EFCAB11: variants seen among roughly 807,000 people sequenced by gnomAD.
EFCAB11 encodes the protein EF-hand calcium binding domain 11.
EFCAB11 carries 14 observed loss-of-function variants against 23.0 expected under a neutral mutation model. The ratio of observed to expected loss-of-function variants is 0.61; its 90% CI spans 0.40 to 0.95. The LOEUF is 0.95. EFCAB11 is among the 40% of genes least tolerant of loss of function. The pLI is 0.00. For synonymous variants in EFCAB11, 65 were observed against 66.6 expected (o/e 0.98, Z 0.11); for missense variants, 198 against 195.8 (o/e 1.01, Z -0.07).
intron 5 of EFCAB11, among the ~76,000 whole-genome samples, chr14:89,802,145 C>T (rs1458402877): frequency 6.7e-6 from 1 of 149,296 alleles, no homozygotes. Context: ...TCAGGAGTAC[C>T]CCATGTCTAA....
intron 3 of EFCAB11, among the ~76,000 whole-genome samples, chr14:89,938,875 G>T (rs1890684428): frequency 6.6e-6 from 1 of 150,942 alleles, no homozygotes. Context: ...GGAGGCAGAG[G>T]TTGCAGTGAG....
intron 5 of EFCAB11, among the ~76,000 whole-genome samples, chr14:89,912,472 A>AGGTTTCCTG (rs1889710665): frequency 6.6e-6 from 1 of 152,148 alleles, no homozygotes; most frequent in South Asian, 2.1e-4. Context: ...AAGTTCCTTA[A>AGGTTTCCTG]GGTTTCCTGG....
intron 5 of EFCAB11, among the ~76,000 whole-genome samples, chr14:89,826,858 G>A (rs1341501154): frequency 6.6e-6 from 1 of 152,076 alleles, no homozygotes; most frequent in African/African-American, 2.4e-5. Flanking sequence ...AACCACAGGG[G>A]ATAGTTTGAT....
chr14:89,870,764 T>C (rs1320239737), intron 5 of EFCAB11, among the ~76,000 whole-genome samples: 81 of 64,750 alleles, frequency 1.3e-3, no homozygotes, highest in African/African-American at 4.5e-3. Flanking sequence ...ACCTCATCTC[T>C]ACTAAAAAAA....
chr14:89,934,918 G>A (rs1327191185), intron 3 of EFCAB11, among the ~76,000 whole-genome samples: 1 of 152,122 alleles, frequency 6.6e-6, no homozygotes, highest in Non-Finnish European at 1.5e-5. Context: ...ACGTACCCCA[G>A]TCCACCTCTC....
intron 5 of EFCAB11, among the ~76,000 whole-genome samples, chr14:89,843,850 TC>T (rs1887347161): frequency 6.6e-6 from 1 of 152,188 alleles, no homozygotes; most frequent in Non-Finnish European, 1.5e-5. Context: ...ACCACTGAAC[TC>T]ATCAGAAAAG....
At chr14:89,937,515 T>A (rs1047186982) in intron 3 of EFCAB11, among the ~76,000 whole-genome samples, 1 of 152,084 alleles carries the variant, frequency 6.6e-6, no homozygotes, top group Admixed American at 6.5e-5. Context: ...TGGACTCTCT[T>A]CATGTTCTAT....
intron 5 of EFCAB11, among the ~76,000 whole-genome samples, chr14:89,802,475 T>C (rs1295904898): frequency 1.3e-5 from 2 of 152,192 alleles, no homozygotes; most frequent in Non-Finnish European, 2.9e-5. Context: ...CACTGCAACC[T>C]CTGCCTCCCA....
At chr14:89,800,705 G>A (rs749714592) in intron 5 of EFCAB11, among the ~76,000 whole-genome samples, 10 of 152,164 alleles carry the variant, frequency 6.6e-5, no homozygotes, top group Non-Finnish European at 1.3e-4. Flanking sequence ...TTTTTGAGAT[G>A]CAAAAGGGAG....
intron 5 of EFCAB11, among the ~76,000 whole-genome samples, chr14:89,824,192 C>T (rs1395477917): frequency 2.0e-5 from 3 of 152,100 alleles, no homozygotes; most frequent in Admixed American, 6.5e-5. Context: ...AAAAGACATA[C>T]TTGTTCAGAG....
intron 5 of EFCAB11, among the ~76,000 whole-genome samples, chr14:89,841,110 T>C (rs985405994): frequency 4.6e-5 from 7 of 152,160 alleles, no homozygotes; most frequent in African/African-American, 1.7e-4. Context: ...TCCTGAACCT[T>C]TCCACTGAGT....
At chr14:89,940,617 G>T (rs1293231836) in intron 3 of EFCAB11, among the ~76,000 whole-genome samples, 4 of 152,138 alleles carry the variant, frequency 2.6e-5, no homozygotes, top group Non-Finnish European at 5.9e-5. Context: ...AAAGTTGAGG[G>T]TTAAAAGTAA....
chr14:89,827,263 C>T (rs943001423), intron 5 of EFCAB11, among the ~76,000 whole-genome samples: 5 of 152,108 alleles, frequency 3.3e-5, no homozygotes, highest in African/African-American at 1.2e-4. Context: ...GAACCCAGAC[C>T]CCTGGAGAGG....
chr14:89,929,553 T>A (rs1277519147), intron 5 of EFCAB11, among the ~76,000 whole-genome samples: 1 of 152,050 alleles, frequency 6.6e-6, no homozygotes, highest in Non-Finnish European at 1.5e-5. Context: ...GCCCAGCTAA[T>A]TTTTGTCTTT....
In EFCAB11 at chr14:89,796,160, T is replaced by G. The variant is rs1197213812; in HGVS notation, c.*1083A>C. 1 of 152,364 alleles carries G rather than the reference T, an allele frequency of 6.6e-6. No homozygotes were observed. Among genetic ancestry groups the G allele is most frequent in the East Asian group, 1.9e-4 (1 of 5,204 alleles). The allele number at this position is 152,364 out of a possible 1,614,324, so 9.4% of individuals were successfully genotyped here. On this transcript the variant is annotated 3_prime_UTR_variant, in exon 6 of 6. Transcript: ENST00000316738. ...CCCAGTACCCTCATCACCCTGTTCT[T>G]CCTCTGTATATAGCCCGAGAGGGCT...
intron 5 of EFCAB11, among the ~76,000 whole-genome samples, chr14:89,909,072 T>C (rs1055008021): frequency 6.6e-6 from 1 of 152,224 alleles, no homozygotes; most frequent in Admixed American, 6.5e-5. Flanking sequence ...GACACAGTCC[T>C]GGCCTTTAAG....
intron 5 of EFCAB11, among the ~76,000 whole-genome samples, chr14:89,926,745 T>C (rs1890206846): frequency 6.6e-6 from 1 of 152,220 alleles, no homozygotes; most frequent in African/African-American, 2.4e-5. Flanking sequence ...ATCCATTACA[T>C]ATTTTTATTC....
In EFCAB11 at chr14:89,872,327, G is replaced by A. The variant is rs558846149; in HGVS notation, c.410+59214C>T. On this transcript the variant is annotated intron_variant, in intron 5 of 5. Coordinates refer to ENST00000316738, the MANE Select transcript of EFCAB11 (RefSeq NM_145231.4). ...CATTCAGACCCAGAAAGCCACACGC[G>A]CAAAGGCACAGAGGTGCAGGTCTAA... Among the ~76,000 whole-genome samples the A allele has an allele frequency of 1.1e-4, 17 of 152,306 alleles. No individual in the cohort carries two copies. The East Asian group carries it at 1.7e-3, about 16-fold the overall frequency.
intron 5 of EFCAB11, among the ~76,000 whole-genome samples, chr14:89,914,327 T>C (rs1175775079): frequency 1.3e-5 from 2 of 152,186 alleles, no homozygotes; most frequent in Non-Finnish European, 2.9e-5. Flanking sequence ...CAAAAAGAAC[T>C]GAGTCTGTGC....
Sources: allele counts gnomAD v4.1 joint callset (sites outside exome capture counted in the v4.1 genomes callset), GRCh38; gene constraint gnomAD v4.1.1; transcripts MANE v1.5; gene names NCBI Gene and HGNC (gene_info 2026-07-23, HGNC 2026-07-21).